The following ITGB6 variants were observed in gnomAD, a reference collection of about 807,000 sequenced individuals.
The protein encoded by ITGB6 is integrin beta-6.
A neutral mutation model predicts 84.5 loss-of-function variants in ITGB6; 80 were observed. The ratio of observed to expected loss-of-function variants is 0.95; its 90% CI spans 0.79 to 1.14. The LOEUF (loss-of-function observed/expected upper bound fraction) is 1.14, where lower values mean the gene tolerates loss of function less well. Ranked by LOEUF, ITGB6 falls within the 50% of genes most tolerant of loss-of-function variation. The pLI is 0.00. For missense variants in ITGB6, 1,006 were observed against 968.0 expected (o/e 1.04, Z -0.52); for synonymous variants, 383 against 354.9 (o/e 1.08, Z -0.89).
In ITGB6 at chr2:160,176,655, T is replaced by C. The variant is rs147489990; in HGVS notation, c.594-2516A>G. On this transcript the variant is annotated intron_variant, in intron 4 of 14. Coordinates refer to ENST00000283249, the MANE Select transcript of ITGB6 (RefSeq NM_000888.5). ...TTTCAGAGTTAATGCATAATAAATA[T>C]GATTGTCATTTCTTACATAAATCAC... is the stretch of plus-strand genomic sequence containing the variant. 5.1e-3 allele frequency among the ~76,000 whole-genome samples: 770 copies of C among 152,320 alleles called. 4 individuals are homozygous for C. The highest frequency in any genetic ancestry group is 7.7e-3 in the Non-Finnish European group (526 of 68,024).
intron 14 of ITGB6, among the ~76,000 whole-genome samples, chr2:160,103,052 C>T (rs1696782112): frequency 6.6e-6 from 1 of 152,150 alleles, no homozygotes; most frequent in Non-Finnish European, 1.5e-5. Flanking sequence ...GTACACTTAA[C>T]ATTTCTAAGC....
intron 5 of ITGB6, 99 bp downstream of exon 5, chr2:160,173,875 A>T (rs1685310085): frequency 9.5e-7 from 1 of 1,054,124 alleles, no homozygotes; most frequent in Admixed American, 2.8e-5. Context: ...AAATTTAGAG[A>T]TCAAAGGAAA....
intron 7 of ITGB6, among the ~76,000 whole-genome samples, chr2:160,147,102 GAAAGA>G (rs1684227340): frequency 7.2e-6 from 1 of 138,116 alleles, no homozygotes; most frequent in Non-Finnish European, 1.6e-5. Context: ...AAAAAAAAAA[GAAAGA>G]AAAGGAAAGG....
intron 7 of ITGB6, among the ~76,000 whole-genome samples, chr2:160,155,158 T>G: frequency 6.6e-6 from 1 of 152,222 alleles, no homozygotes; most frequent in Non-Finnish European, 1.5e-5. Context: ...TAAACCTCTT[T>G]TCTTTATAAA....
Position 160,129,392 on chromosome 2 carries a change from CA to C in ITGB6, c.1661-2792del, listed in dbSNP as rs374921878. Among the ~76,000 whole-genome samples the C allele has an allele frequency of 1.2e-3, 154 of 126,772 alleles. No individual in the cohort carries two copies. The Middle Eastern group carries it at 0.022, about 18-fold the overall frequency. The allele number at this position is 126,772 out of a possible 152,430, so 83.2% of individuals were successfully genotyped here. Reference sequence around the variant, plus strand: ...AACTCTCGTAACTGATACTTTTCTTCAAAAAAAAAAAAAAAAAAGAAATGTG... The same window carrying C: ...AACTCTCGTAACTGATACTTTTCTTCAAAAAAAAAAAAAAAAAGAAATGTG... On this transcript the variant is annotated intron_variant, in intron 10 of 14. Coordinates refer to ENST00000283249, the MANE Select transcript of ITGB6 (RefSeq NM_000888.5).
At chr2:160,185,612 G>GA (rs1214827970) in intron 4 of ITGB6, among the ~76,000 whole-genome samples, 2 of 152,108 alleles carry the variant, frequency 1.3e-5, no homozygotes, top group South Asian at 2.1e-4. Flanking sequence ...CACAGATTTA[G>GA]AAAAAACTAC....
chr2:160,149,818 T>C (rs1684341314), intron 7 of ITGB6, among the ~76,000 whole-genome samples: 3 of 152,108 alleles, frequency 2.0e-5, no homozygotes, highest in Admixed American at 2.0e-4. Context: ...ATGCACAAGC[T>C]TCAATAGCAG....
At chr2:160,187,510 C>T (rs1685951735) in intron 4 of ITGB6, among the ~76,000 whole-genome samples, 1 of 152,122 alleles carries the variant, frequency 6.6e-6, no homozygotes, top group Non-Finnish European at 1.5e-5. Flanking sequence ...TATGCTTCTT[C>T]CTTTCCAACT....
At chr2:160,199,357 A>C (rs947415754) in intron 1 of ITGB6, 99 bp from the exon 2 acceptor site, 2 of 872,752 alleles carry the variant, frequency 2.3e-6, no homozygotes, top group African/African-American at 3.3e-5. Flanking sequence ...AAACAACATC[A>C]AAGTTTAGTT....
At chr2:160,194,053 A>T (rs1486691720) in intron 4 of ITGB6, among the ~76,000 whole-genome samples, 1 of 152,170 alleles carries the variant, frequency 6.6e-6, no homozygotes, top group Non-Finnish European at 1.5e-5. Flanking sequence ...GCTACTCGGG[A>T]GGCTGACACA....
At chr2:160,151,845 A>G (rs1684432979) in intron 7 of ITGB6, among the ~76,000 whole-genome samples, 1 of 152,252 alleles carries the variant, frequency 6.6e-6, no homozygotes, top group Non-Finnish European at 1.5e-5. Flanking sequence ...TAGAAAATCT[A>G]AAAGAAATGG....
chr2:160,135,505 T>G (rs1447961170), intron 10 of ITGB6, among the ~76,000 whole-genome samples: 4 of 151,736 alleles, frequency 2.6e-5, no homozygotes, highest in Non-Finnish European at 5.9e-5. Context: ...TTCAATGCCA[T>G]CCCCATCAAG....
chr2:160,144,983 T>C (rs144465882), intron 7 of ITGB6, among the ~76,000 whole-genome samples: 4,788 of 152,292 alleles, frequency 0.031, 111 homozygotes, highest in Non-Finnish European at 0.047. Flanking sequence ...TAACTAAAAA[T>C]ATGGACAATT....
chr2:160,177,645 T>C (rs1685482574), intron 4 of ITGB6, among the ~76,000 whole-genome samples: 1 of 152,128 alleles, frequency 6.6e-6, no homozygotes, highest in African/African-American at 2.4e-5. Context: ...TTGTTCATGG[T>C]GTTTTTGGAT....
At position 160,100,206 on chromosome 2, in the gene ITGB6, G is replaced by C. The variant is rs1696661340; in HGVS notation, c.*1530C>G. On this transcript the variant is annotated 3_prime_UTR_variant, in exon 15 of 15. Transcript: ENST00000283249. ...TCTTGTAGAATTGAAGAAACTTATA[G>C]ATTTTGCTGTGACAATTCAATGGAC... 6.6e-6 allele frequency: 1 copy of C among 152,258 alleles called. No homozygotes were observed. Among genetic ancestry groups the C allele is most frequent in the Admixed American group, 6.5e-5 (1 of 15,302 alleles). 9.4% of individuals were successfully genotyped at this position (152,258 alleles called of 1,614,324 possible).
chr2:160,135,660 A>G (rs1225165402), intron 10 of ITGB6, among the ~76,000 whole-genome samples: 2 of 151,478 alleles, frequency 1.3e-5, no homozygotes, highest in Non-Finnish European at 3.0e-5. Context: ...ACTATACTAC[A>G]AGGCTACAGT....
chr2:160,184,332 C>T (rs1685807954), intron 4 of ITGB6, among the ~76,000 whole-genome samples: 1 of 152,178 alleles, frequency 6.6e-6, no homozygotes, highest in Non-Finnish European at 1.5e-5. Flanking sequence ...AAAGTACCAC[C>T]AGTGAATACT....
At chr2:160,189,778 TTGTGGAAGTCAG>T (rs1290555353) in intron 4 of ITGB6, among the ~76,000 whole-genome samples, 1 of 152,084 alleles carries the variant, frequency 6.6e-6, no homozygotes, top group African/African-American at 2.4e-5. Context: ...AGTTCAACCA[TTGTGGAAGTCAG>T]TGTGGCGATG....
chr2:160,150,386 C>T (rs950846862), intron 7 of ITGB6, among the ~76,000 whole-genome samples: 1 of 152,128 alleles, frequency 6.6e-6, no homozygotes, highest in Non-Finnish European at 1.5e-5. Context: ...GAAATAAAAT[C>T]CTTTACAGAC....
Sources: allele counts gnomAD v4.1 joint callset (sites outside exome capture counted in the v4.1 genomes callset), GRCh38; gene constraint gnomAD v4.1.1; transcripts MANE v1.5; gene names NCBI Gene and HGNC (gene_info 2026-07-23, HGNC 2026-07-21).